HVCN1: variants seen among roughly 807,000 people sequenced by gnomAD.
The protein encoded by HVCN1 is voltage-gated hydrogen channel 1.
A neutral mutation model predicts 29.2 loss-of-function variants in HVCN1; 14 were observed. The ratio of observed to expected loss-of-function variants is 0.48; its 90% CI spans 0.32 to 0.75. The LOEUF (loss-of-function observed/expected upper bound fraction) is 0.75. Ranked by LOEUF, HVCN1 falls within the 30% of genes least tolerant of loss-of-function variation. HVCN1 has a pLI of 0.04. For missense variants in HVCN1, 263 were observed against 341.8 expected (o/e 0.77, Z 1.82); for synonymous variants, 131 against 133.2 (o/e 0.98, Z 0.11).
intron 3 of HVCN1, 197 bp downstream of exon 3, chr12:110,683,028 T>C: frequency 1.5e-6 from 1 of 672,492 alleles, no homozygotes; most frequent in Non-Finnish European, 2.6e-6. Flanking sequence ...ATTCAAATGG[T>C]CTGATGTGGA....
intron 4 of HVCN1, among the ~76,000 whole-genome samples, chr12:110,659,274 A>G (rs1195947865): frequency 6.6e-6 from 1 of 152,168 alleles, no homozygotes; most frequent in African/African-American, 2.4e-5. Flanking sequence ...CTCTGCTTCC[A>G]GAAGAGGGAC....
intron 2 of HVCN1, among the ~76,000 whole-genome samples, chr12:110,697,436 G>A (rs937605791): frequency 6.6e-6 from 1 of 152,026 alleles, no homozygotes; most frequent in Non-Finnish European, 1.5e-5. Flanking sequence ...GAAGAGGAAG[G>A]AATAAGTGGT....
At chr12:110,690,465 C>G (rs190849033), upstream of HVCN1, among the ~76,000 whole-genome samples, 27 of 152,226 alleles carry the variant, frequency 1.8e-4, no homozygotes, top group African/African-American at 6.3e-4. Context: ...TTCTGCTGGG[C>G]AGCTGGCTTT....
At position 110,649,084 on chromosome 12, in the gene HVCN1, T is replaced by G. The variant is rs1277242496; in HGVS notation, c.*326A>C. On this transcript the variant is annotated 3_prime_UTR_variant, in exon 8 of 8. Coordinates refer to ENST00000242607, the MANE Select transcript of HVCN1 (RefSeq NM_032369.4). ...AGTTCCTTAATATACACGTGAAATT[T>G]GAAAACTGTACATTCGGTGAGATTA... 1 of 597,570 alleles carries G rather than the reference T, an allele frequency of 1.7e-6. No homozygotes were observed. The allele number at this position is 597,570 out of a possible 1,614,324, so 37.0% of individuals were successfully genotyped here. A position where few individuals can be genotyped will look rare whatever the true frequency, so the allele number is the denominator to read the frequency against.
chr12:110,652,380 A>ACT lies in HVCN1; in HGVS notation c.412-934_412-933dup, dbSNP rs376069153. On this transcript the variant is annotated intron_variant, in intron 5 of 7. Transcript: ENST00000242607. ...CACTCCAGCCTGGGTGACAAGTGAG[A>ACT]CTGTCTCAAAAAATAAAAATATAAA... Among the ~76,000 whole-genome samples, 1,076 of 152,226 alleles carry ACT rather than the reference A, an allele frequency of 7.1e-3. 1 individual carries two copies. The highest frequency in any genetic ancestry group is 9.4e-3 in the Non-Finnish European group (640 of 68,008).
intron 2 of HVCN1, among the ~76,000 whole-genome samples, chr12:110,699,531 G>A (rs1311705667): frequency 2.0e-5 from 3 of 152,090 alleles, no homozygotes; most frequent in Admixed American, 2.0e-4. Flanking sequence ...TGCAGCCTAG[G>A]AGCCCAGTCC....
intron 5 of HVCN1, among the ~76,000 whole-genome samples, chr12:110,653,651 G>A (rs1002691323): frequency 6.6e-6 from 1 of 151,764 alleles, no homozygotes; most frequent in Non-Finnish European, 1.5e-5. Context: ...ATACCAGCCT[G>A]GCCAACATGG....
intron 3 of HVCN1, among the ~76,000 whole-genome samples, chr12:110,662,614 A>G (rs930546497): frequency 2.6e-5 from 4 of 152,224 alleles, no homozygotes; most frequent in African/African-American, 9.6e-5. Flanking sequence ...CTGAGGCCCC[A>G]GAATCGCTTG....
chr12:110,678,346 C>T (rs1353441074), intron 3 of HVCN1, among the ~76,000 whole-genome samples: 4 of 151,952 alleles, frequency 2.6e-5, no homozygotes, highest in Middle Eastern at 3.4e-3. Context: ...TCATACCCTG[C>T]ATCTCAGTAC....
chr12:110,695,406 C>T (rs2069475167), intron 2 of HVCN1, among the ~76,000 whole-genome samples: 1 of 149,572 alleles, frequency 6.7e-6, no homozygotes, highest in Admixed American at 6.7e-5. Flanking sequence ...ACACACATGA[C>T]CTAGCCAGGT....
intron 3 of HVCN1, among the ~76,000 whole-genome samples, chr12:110,668,896 C>T (rs2068468136): frequency 6.6e-6 from 1 of 152,172 alleles, no homozygotes; most frequent in South Asian, 2.1e-4. Context: ...CCTGCTTCTC[C>T]TGCTATCTCT....
In HVCN1 at chr12:110,649,413, GT is replaced by G; in HGVS notation, c.818del (p.Asn273ThrfsTer37). ...TTTGAGGGGAGCTGGTCCGGGTCTA[GT>G]TCACTTCACCAAGAAGTCCATGCTG... is the stretch of plus-strand genomic sequence containing the variant. ...LRQHGLLGEV[N>X] On this transcript the variant is annotated frameshift_variant, in exon 8 of 8. Transcript: ENST00000242607. LOFTEE classifies it high-confidence loss of function. The G allele has an allele frequency of 6.2e-7, 1 of 1,607,860 alleles. No homozygotes were observed.
chr12:110,686,540 G>A (rs564137859), intron 2 of HVCN1, among the ~76,000 whole-genome samples: 1 of 152,196 alleles, frequency 6.6e-6, no homozygotes, highest in African/African-American at 2.4e-5. Context: ...CACAAGAGGA[G>A]GTGAAGGGAA....
In HVCN1 at chr12:110,651,238, G is replaced by T. The variant is rs748997855; in HGVS notation, c.622C>A (p.Arg208=). The change falls in exon 6 of 8, where the codon CGG becomes AGG. Residue 208 remains arginine (R), a synonymous_variant. Transcript: ENST00000242607. ...LGLLILLRLW[R]VARIINGIII... Reference sequence around the variant, plus strand: ...GTACCATTGATGATCCGGGCCACCCGCCACAGCCGGAGCAGAATCAGCAGG... The same window carrying T: ...GTACCATTGATGATCCGGGCCACCCTCCACAGCCGGAGCAGAATCAGCAGG... 7.3e-5 allele frequency: 118 copies of T among 1,613,478 alleles called. No homozygotes were observed. The highest frequency in any genetic ancestry group is 9.8e-5 in the Non-Finnish European group (116 of 1,179,644).
intron 3 of HVCN1, among the ~76,000 whole-genome samples, chr12:110,671,506 G>C (rs1175253778): frequency 1.3e-5 from 2 of 152,040 alleles, no homozygotes; most frequent in African/African-American, 4.8e-5. Context: ...TTGATTTTGG[G>C]CTTCTGGTTT....
chr12:110,669,656 G>A (rs1473038233), intron 3 of HVCN1, among the ~76,000 whole-genome samples: 2 of 152,130 alleles, frequency 1.3e-5, no homozygotes, highest in African/African-American at 2.4e-5. Context: ...CAGTTGGGGT[G>A]TACGTCACAC....
At chr12:110,651,784 AACAGAAATGTCCATTAG>A (rs1225926470) in intron 5 of HVCN1, among the ~76,000 whole-genome samples, 4 of 152,234 alleles carry the variant, frequency 2.6e-5, no homozygotes, top group Non-Finnish European at 4.4e-5. Flanking sequence ...ATTGTAAGAC[AACAGAAATGTCCATTAG>A]ACAGAAATGT....
upstream of HVCN1, chr12:110,689,195 C>CCCCCGT (rs1178294004): frequency 2.8e-4 from 42 of 151,476 alleles, no homozygotes; most frequent in East Asian, 7.7e-3. The surrounding 1 kb of genome is among the most constrained non-coding windows in gnomAD (Gnocchi z 5.7). Flanking sequence ...GCCGCCCCCG[C>CCCCCGT]CCCCGTCCCC....
intron 3 of HVCN1, among the ~76,000 whole-genome samples, chr12:110,669,646 C>T (rs2068502771): frequency 6.6e-6 from 1 of 152,156 alleles, no homozygotes; most frequent in South Asian, 2.1e-4. Context: ...TCCCTCACCC[C>T]AGTTGGGGTG....
Sources: allele counts gnomAD v4.1 joint callset (sites outside exome capture counted in the v4.1 genomes callset), GRCh38; gene constraint gnomAD v4.1.1; non-coding constraint Gnocchi (gnomAD v3.1); transcripts MANE v1.5; gene names NCBI Gene and HGNC (gene_info 2026-07-23, HGNC 2026-07-21).